Variants in CHN1 observed in about 807,000 individuals in gnomAD.
The protein encoded by CHN1 is N-chimaerin.
In CHN1, 37 loss-of-function variants were observed where a neutral mutation model predicts 59.5. The observed-to-expected ratio is 0.62, with a 90% CI of 0.48 to 0.82. CHN1 has a LOEUF of 0.82. Ranked by LOEUF, CHN1 falls within the 40% of genes least tolerant of loss-of-function variation. CHN1 has a pLI of 0.00. For missense variants in CHN1, 469 were observed against 571.0 expected, an observed-to-expected ratio of 0.82 and a Z score of 1.82; for synonymous variants, 206 against 200.4, an observed-to-expected ratio of 1.03 and a Z score of -0.24.
intron 8 of CHN1, 79 bp downstream of exon 8, chr2:174,824,355 A>G (rs1685610579): frequency 1.8e-6 from 2 of 1,109,264 alleles, no homozygotes; most frequent in Non-Finnish European, 2.6e-6. Context: ...CTGGATATGC[A>G]TAACAACAAG....
At chr2:174,967,252 G>A (rs560406238) in intron 1 of CHN1, among the ~76,000 whole-genome samples, 1 of 152,100 alleles carries the variant, frequency 6.6e-6, no homozygotes, top group Non-Finnish European at 1.5e-5. Flanking sequence ...GGAGGCAGGA[G>A]TGGCATGCAG....
chr2:174,903,242 G>C (rs915002950), intron 5 of CHN1, among the ~76,000 whole-genome samples: 4 of 152,072 alleles, frequency 2.6e-5, no homozygotes, highest in African/African-American at 7.2e-5. Flanking sequence ...GGCTCAACAT[G>C]ATCTTAAACT....
rs1276025357 is a variant in CHN1 at position 174,877,061 on chromosome 2, CA to C, written c.549+778del. On this transcript the variant is annotated intron_variant, in intron 6 of 12. Transcript: ENST00000409900. ...CCAATTACAATACCTAAAATGCCCC[CA>C]ACTAAATGTCACACACTATAAAACA... Among the ~76,000 whole-genome samples the C allele has an allele frequency of 7.2e-5, 11 of 152,124 alleles. No individual in the cohort carries two copies. The East Asian group carries it at 2.1e-3, about 29-fold the overall frequency.
At chr2:174,928,791 A>T (rs759802660) in intron 3 of CHN1, among the ~76,000 whole-genome samples, 14 of 152,220 alleles carry the variant, frequency 9.2e-5, no homozygotes, top group Non-Finnish European at 1.8e-4. Flanking sequence ...TGAAACACAT[A>T]TTTTCACTAT....
intron 6 of CHN1, among the ~76,000 whole-genome samples, chr2:174,861,643 T>C (rs574482879): frequency 6.6e-6 from 1 of 152,336 alleles, no homozygotes; most frequent in South Asian, 2.1e-4. Flanking sequence ...GTTTCTTCAT[T>C]TGGCAGTCAA....
At chr2:174,852,678 C>T (rs1194246056) in intron 6 of CHN1, among the ~76,000 whole-genome samples, 1 of 152,122 alleles carries the variant, frequency 6.6e-6, no homozygotes, top group African/African-American at 2.4e-5. Flanking sequence ...TGACTTCAAA[C>T]TAAGTTATAA....
rs529682421 is a variant in CHN1, at chr2:174,891,528, C to T, written c.261-13400G>A. ...AAGTTGCAGTGAGCCGAGATCATGCCATTGCATTCCAGCCTGGGTGACAGA... is the reference window on the plus strand; with the variant it reads ...AAGTTGCAGTGAGCCGAGATCATGCTATTGCATTCCAGCCTGGGTGACAGA... On this transcript the variant is annotated intron_variant, in intron 5 of 12. Transcript: ENST00000409900. Among the ~76,000 whole-genome samples, 333 of 149,566 alleles carry T rather than the reference C, an allele frequency of 2.2e-3. 2 individuals carry two copies. The highest frequency in any genetic ancestry group is 8.0e-3 in the African/African-American group (323 of 40,536).
intron 6 of CHN1, among the ~76,000 whole-genome samples, chr2:174,857,192 G>A (rs965553021): frequency 2.6e-5 from 4 of 152,160 alleles, no homozygotes; most frequent in African/African-American, 9.7e-5. Context: ...AATACTTAAT[G>A]TGTAGAGTTA....
At chr2:174,820,773 C>T (rs912696217) in intron 8 of CHN1, among the ~76,000 whole-genome samples, 50 of 152,268 alleles carry the variant, frequency 3.3e-4, no homozygotes, top group East Asian at 1.4e-3. Flanking sequence ...GGATTTAGTC[C>T]GACTCCTACA....
chr2:174,802,085 T>A, intron 11 of CHN1: 1 of 329,714 alleles, frequency 3.0e-6, no homozygotes, highest in East Asian at 6.7e-5. Flanking sequence ...TCTGACAACT[T>A]TCGAAATTGG....
At chr2:174,843,974 CTGTGTG>C (rs34733435) in intron 7 of CHN1, among the ~76,000 whole-genome samples, 8 of 150,080 alleles carry the variant, frequency 5.3e-5, no homozygotes, top group African/African-American at 2.0e-4. Flanking sequence ...CTCTCTTTCT[CTGTGTG>C]TGTGTGTGTG....
At chr2:174,858,978 C>T (rs1460567466) in intron 6 of CHN1, among the ~76,000 whole-genome samples, 2 of 72,654 alleles carry the variant, frequency 2.8e-5, no homozygotes, top group Non-Finnish European at 5.7e-5. Flanking sequence ...ATTTCCTCCT[C>T]TACACACACA....
At chr2:174,984,766 C>A (rs1205874021) in intron 1 of CHN1, among the ~76,000 whole-genome samples, 1 of 152,112 alleles carries the variant, frequency 6.6e-6, no homozygotes, top group African/African-American at 2.4e-5. Flanking sequence ...GAAGAAAGGG[C>A]AAGCTAACAA....
At chr2:174,840,107 T>C (rs1686237336) in intron 7 of CHN1, among the ~76,000 whole-genome samples, 1 of 151,536 alleles carries the variant, frequency 6.6e-6, no homozygotes, top group Non-Finnish European at 1.5e-5. Context: ...TTATTATACA[T>C]ATGTGGCACA....
At position 174,802,998 on chromosome 2, in the gene CHN1, A is replaced by G. The variant is rs572961692; in HGVS notation, c.1103-1186T>C. Among the ~76,000 whole-genome samples, 30 of 152,248 alleles carry G rather than the reference A, an allele frequency of 2.0e-4. 1 individual carries two copies. Among genetic ancestry groups the G allele is most frequent in the African/African-American group, 6.7e-4 (28 of 41,550 alleles). Reference sequence around the variant, plus strand: ...GGTTGCAGTGAGCCAGGATTGCATCACTGTGCTCTAAGCCTGGGTGACAGA... The same window carrying G: ...GGTTGCAGTGAGCCAGGATTGCATCGCTGTGCTCTAAGCCTGGGTGACAGA... On this transcript the variant is annotated intron_variant, in intron 11 of 12. Transcript: ENST00000409900.
intron 1 of CHN1, among the ~76,000 whole-genome samples, chr2:174,986,620 C>G (rs985694801): frequency 1.5e-5 from 2 of 133,248 alleles, no homozygotes; most frequent in African/African-American, 5.0e-5. Flanking sequence ...ACCCTTAAGA[C>G]AGTAAGACCA....
chr2:174,899,002 T>TGACAG, intron 5 of CHN1, among the ~76,000 whole-genome samples: 1 of 152,170 alleles, frequency 6.6e-6, no homozygotes, highest in South Asian at 2.1e-4. Flanking sequence ...CTTAGAAAAT[T>TGACAG]CCAAGAAAAT....
In CHN1 at chr2:174,856,174, G is replaced by A. The variant is rs187817286; in HGVS notation, c.550-9217C>T. 2.4e-3 allele frequency among the ~76,000 whole-genome samples: 360 copies of A among 152,150 alleles called. 1 individual carries two copies. Among genetic ancestry groups the A allele is most frequent in the Admixed American group, 4.1e-3 (63 of 15,282 alleles). On this transcript the variant is annotated intron_variant, in intron 6 of 12. Transcript: ENST00000409900. Reference sequence around the variant, plus strand: ...TCTAACATTAGAGACTTCTGTATCAGAACTCTATAAATTCCTTAAATTATG... The same window carrying A: ...TCTAACATTAGAGACTTCTGTATCAAAACTCTATAAATTCCTTAAATTATG...
At chr2:174,873,266 G>T (rs1169328205) in intron 6 of CHN1, among the ~76,000 whole-genome samples, 1 of 152,136 alleles carries the variant, frequency 6.6e-6, no homozygotes, top group Non-Finnish European at 1.5e-5. Flanking sequence ...GGGAGAGCGA[G>T]AAGTGGATTT....
Sources: allele counts gnomAD v4.1 joint callset (sites outside exome capture counted in the v4.1 genomes callset), GRCh38; gene constraint gnomAD v4.1.1; transcripts MANE v1.5; gene names NCBI Gene and HGNC (gene_info 2026-07-23, HGNC 2026-07-21).